VTI1B: variants seen among roughly 807,000 people sequenced by gnomAD.
VTI1B encodes the protein vesicle transport through interaction with t-SNAREs 1B.
In VTI1B, 18 loss-of-function variants were observed where a neutral mutation model predicts 28.6. That is an observed-to-expected ratio of 0.63 (90% CI 0.43 to 0.93). The LOEUF (loss-of-function observed/expected upper bound fraction) is 0.93, where lower values mean the gene tolerates loss of function less well. VTI1B is among the 40% of genes least tolerant of loss of function. The pLI is 0.00. For synonymous variants in VTI1B, 100 were observed against 107.9 expected (o/e 0.93, Z 0.46); for missense variants, 283 against 297.0 (o/e 0.95, Z 0.35).
In VTI1B at chr14:67,651,368, C is replaced by T; in HGVS notation, c.*17G>A. On this transcript the variant is annotated 3_prime_UTR_variant, in exon 6 of 6. Coordinates refer to ENST00000554659, the MANE Select transcript of VTI1B (RefSeq NM_006370.3). The stretch of plus-strand genomic sequence containing the variant: ...CAAGGTCAAAGTTCTGGTCCACAAA[C>T]CCTTCCCTATAGAAGTTCAATGGCT... 1 of 1,613,450 alleles carries T rather than the reference C, an allele frequency of 6.2e-7. No homozygotes were observed. The highest frequency in any genetic ancestry group is 8.5e-7 in the Non-Finnish European group (1 of 1,179,526).
intron 1 of VTI1B, among the ~76,000 whole-genome samples, chr14:67,665,239 G>A (rs2037385747): frequency 6.7e-6 from 1 of 148,628 alleles, no homozygotes; most frequent in South Asian, 2.1e-4. Context: ...AATCACAACA[G>A]CATCTAATGT....
intron 1 of VTI1B, among the ~76,000 whole-genome samples, chr14:67,666,550 A>T (rs2037404221): frequency 6.6e-6 from 1 of 152,256 alleles, no homozygotes; most frequent in African/African-American, 2.4e-5. Flanking sequence ...TGATAAAGCC[A>T]GGGAGGCAGA....
In VTI1B at chr14:67,660,954, G is replaced by A. The variant is rs928094220; in HGVS notation, c.175-1032C>T. ...GAAAAGCTCCCAGTACTCCCATTAG[G>A]AAGAAGATAGTTCCCACAGTCTAGT... On this transcript the variant is annotated intron_variant, in intron 2 of 5. Coordinates refer to ENST00000554659, the MANE Select transcript of VTI1B (RefSeq NM_006370.3). Among the ~76,000 whole-genome samples the A allele has an allele frequency of 3.9e-5, 6 of 152,160 alleles. No individual in the cohort carries two copies. In the East Asian group the frequency reaches 1.2e-3, roughly 29 times the overall value.
rs910974024 is a variant in VTI1B at position 67,647,681 on chromosome 14, G to C, written c.*3704C>G. 1.2e-5 allele frequency: 2 copies of C among 168,988 alleles called. No individual in the cohort carries two copies. The highest frequency in any genetic ancestry group is 4.8e-5 in the African/African-American group (2 of 42,078). 10.5% of individuals were successfully genotyped at this position (168,988 alleles called of 1,614,324 possible). Reference sequence around the variant, plus strand: ...AATTTAAATTAGACTAATTTAAATTGTCTAATTAAATTGTCTCTAGATGAG... The same window carrying C: ...AATTTAAATTAGACTAATTTAAATTCTCTAATTAAATTGTCTCTAGATGAG... On this transcript the variant is annotated 3_prime_UTR_variant, in exon 6 of 6. Transcript: ENST00000554659.
In VTI1B at chr14:67,648,049, G is replaced by A; in HGVS notation, c.*3336C>T. On this transcript the variant is annotated 3_prime_UTR_variant, in exon 6 of 6. Transcript: ENST00000554659. Reference sequence around the variant, plus strand: ...TATTTTATCCTCTTCCTTTTTAGGAGACAAAGACCAATCCATTTGAGTTTT... The same window carrying A: ...TATTTTATCCTCTTCCTTTTTAGGAAACAAAGACCAATCCATTTGAGTTTT... The A allele has an allele frequency of 1.2e-6, 2 of 1,609,520 alleles. No individual in the cohort carries two copies. The highest frequency in any genetic ancestry group is 1.7e-6 in the Non-Finnish European group (2 of 1,177,504).
At chr14:67,663,253 C>T in intron 1 of VTI1B, 1 of 1,170,694 alleles carries the variant, frequency 8.5e-7, no homozygotes, top group Non-Finnish European at 1.2e-6. Flanking sequence ...ACAGTATTGT[C>T]TTAATTGTAT....
chr14:67,658,013 T>C (rs1055898417), intron 3 of VTI1B, among the ~76,000 whole-genome samples: 1 of 152,094 alleles, frequency 6.6e-6, no homozygotes, highest in Non-Finnish European at 1.5e-5. Context: ...CCTCCCAAGG[T>C]GCTGGGATTA....
At chr14:67,665,841 A>G (rs187149493) in intron 1 of VTI1B, among the ~76,000 whole-genome samples, 5 of 151,990 alleles carry the variant, frequency 3.3e-5, no homozygotes, top group Admixed American at 3.3e-4. Flanking sequence ...CACAAAACCC[A>G]TGGCTGTTTG....
rs530989105 is a variant in VTI1B, at chr14:67,649,435, T to C, written c.*1950A>G. ...GAGCCATGATTGTGCCACTGCACTG[T>C]TATAATGCTGTCAACTAGATACATA... On this transcript the variant is annotated 3_prime_UTR_variant, in exon 6 of 6. Coordinates refer to ENST00000554659, the MANE Select transcript of VTI1B (RefSeq NM_006370.3). 21 of 152,158 alleles carry C rather than the reference T, an allele frequency of 1.4e-4. No individual in the cohort carries two copies. The highest frequency in any genetic ancestry group is 2.0e-4 in the Admixed American group (3 of 15,266). 9.4% of individuals were successfully genotyped at this position (152,158 alleles called of 1,614,324 possible). A position where few individuals can be genotyped will look rare whatever the true frequency, so the allele number is the denominator to read the frequency against.
chr14:67,659,262 T>A (rs948828050), intron 3 of VTI1B, among the ~76,000 whole-genome samples: 4 of 152,134 alleles, frequency 2.6e-5, no homozygotes, highest in African/African-American at 9.7e-5. Context: ...CATCTTGACA[T>A]TAAGGTAAAG....
At chr14:67,658,972 C>T (rs990321894) in intron 3 of VTI1B, among the ~76,000 whole-genome samples, 1 of 152,196 alleles carries the variant, frequency 6.6e-6, no homozygotes, top group Non-Finnish European at 1.5e-5. Context: ...TTCCATTTCT[C>T]TGCCATGCTA....
At chr14:67,670,157 T>G (rs1436016073) in intron 1 of VTI1B, among the ~76,000 whole-genome samples, 1 of 152,198 alleles carries the variant, frequency 6.6e-6, no homozygotes, top group Non-Finnish European at 1.5e-5. Context: ...CACAGTCCCC[T>G]GTACCCAGAT....
chr14:67,651,717 G>T, intron 5 of VTI1B: 1 of 367,288 alleles, frequency 2.7e-6, no homozygotes, highest in South Asian at 3.7e-5. Context: ...AATGGATTCT[G>T]AAATGTTGTT....
chr14:67,650,473 C>G lies in VTI1B; in HGVS notation c.*912G>C, dbSNP rs1450670208. On this transcript the variant is annotated 3_prime_UTR_variant, in exon 6 of 6. Transcript: ENST00000554659. The stretch of plus-strand genomic sequence containing the variant: ...AATTATGCCTGTTATGTTAGTTGAA[C>G]AGGGATGGTTTATTTCATTATCTTA... 5 of 520,504 alleles carry G rather than the reference C, an allele frequency of 9.6e-6. No individual in the cohort carries two copies. Among genetic ancestry groups the G allele is most frequent in the African/African-American group, 1.9e-5 (1 of 52,424 alleles). 32.2% of individuals were successfully genotyped at this position (520,504 alleles called of 1,614,324 possible). A position where few individuals can be genotyped will look rare whatever the true frequency, so the allele number is the denominator to read the frequency against.
At chr14:67,669,268 T>C (rs2037437789) in intron 1 of VTI1B, among the ~76,000 whole-genome samples, 1 of 142,216 alleles carries the variant, frequency 7.0e-6, no homozygotes, top group Non-Finnish European at 1.5e-5. Context: ...TACTTCTTCA[T>C]AATTTTTTTT....
rs191571096 is a variant in VTI1B at position 67,661,997 on chromosome 14, A to G, written c.174+480T>C. Among the ~76,000 whole-genome samples the G allele has an allele frequency of 2.9e-3, 443 of 152,198 alleles. 1 individual carries two copies. Among genetic ancestry groups the G allele is most frequent in the Non-Finnish European group, 5.3e-3 (358 of 68,014 alleles). On this transcript the variant is annotated intron_variant, in intron 2 of 5. Transcript: ENST00000554659. ...CGGTGAAACCCCATCTCTACTGAAA[A>G]TACAAAAAAACAGCCAGGTGTGGTG...
intron 2 of VTI1B, 25 bp from the exon 3 acceptor site, chr14:67,659,947 A>G: frequency 6.2e-7 from 1 of 1,603,504 alleles, no homozygotes; most frequent in South Asian, 1.1e-5. Context: ...AGTAGTGAGC[A>G]GATAGCCTGG....
At chr14:67,654,168 G>A (rs1156236095) in intron 4 of VTI1B, among the ~76,000 whole-genome samples, 1 of 152,162 alleles carries the variant, frequency 6.6e-6, no homozygotes, top group African/African-American at 2.4e-5. Flanking sequence ...GTGCAGTGCT[G>A]CAATCGCAGC....
At chr14:67,657,303 G>C (rs2037270989) in intron 3 of VTI1B, 1 of 152,096 alleles carries the variant, frequency 6.6e-6, no homozygotes, top group Non-Finnish European at 1.5e-5. Context: ...TTACCCTCTT[G>C]GTGAGCCCCA....
Sources: gnomAD v4.1 joint callset for allele counts (sites outside exome capture counted in the v4.1 genomes callset) on GRCh38, gnomAD v4.1.1 for gene constraint, MANE v1.5 for transcripts, NCBI Gene and HGNC (gene_info 2026-07-23, HGNC 2026-07-21) for gene names.